HS6ST3: variants seen among roughly 807,000 people sequenced by gnomAD.
HS6ST3 encodes heparan-sulfate 6-O-sulfotransferase 3.
In HS6ST3, 12 loss-of-function variants were observed where a neutral mutation model predicts 36.7. The observed-to-expected ratio is 0.33, with a 90% CI of 0.21 to 0.53. The LOEUF is 0.53. Among genes scored for constraint, HS6ST3 ranks in the 20% least tolerant of loss-of-function variants. The pLI is 0.95. For synonymous variants in HS6ST3, 240 were observed against 257.5 expected (o/e 0.93, Z 0.65); for missense variants, 584 against 640.9 (o/e 0.91, Z 0.96).
Position 96,219,111 on chromosome 13 carries a change from A to G in HS6ST3, c.707+127542A>G, listed in dbSNP as rs554759834. Among the ~76,000 whole-genome samples the G allele has an allele frequency of 2.6e-5, 4 of 151,664 alleles. No homozygotes were observed. In the South Asian group the frequency reaches 8.3e-4, roughly 31 times the overall value. ...TCGGCCTAAATTAAGACCCTTGCATACAGGCATGTTTCCAGAGCCACACTA... is the reference window on the plus strand; with the variant it reads ...TCGGCCTAAATTAAGACCCTTGCATGCAGGCATGTTTCCAGAGCCACACTA... On this transcript the variant is annotated intron_variant, in intron 1 of 1. Coordinates refer to ENST00000376705, the MANE Select transcript of HS6ST3 (RefSeq NM_153456.4).
chr13:96,409,845 C>T (rs546029930), intron 1 of HS6ST3, among the ~76,000 whole-genome samples: 35 of 152,106 alleles, frequency 2.3e-4, no homozygotes, highest in African/African-American at 8.2e-4. Context: ...AGATCTGTTA[C>T]ACCATATAAA....
chr13:96,106,290 C>T (rs1010150779), intron 1 of HS6ST3, among the ~76,000 whole-genome samples: 4 of 152,264 alleles, frequency 2.6e-5, no homozygotes, highest in East Asian at 3.9e-4. Context: ...TGAGATGCCC[C>T]TTCTGAGTTT....
chr13:96,234,080 G>A (rs2054520702), intron 1 of HS6ST3, among the ~76,000 whole-genome samples: 2 of 151,010 alleles, frequency 1.3e-5, no homozygotes. Context: ...TTTCTTTTGG[G>A]TCTTTGTTTT....
chr13:96,237,951 AC>A (rs2054542321), intron 1 of HS6ST3, among the ~76,000 whole-genome samples: 1 of 151,778 alleles, frequency 6.6e-6, no homozygotes, highest in African/African-American at 2.4e-5. Flanking sequence ...AACTCCTCCT[AC>A]CCCTGTACCT....
At chr13:96,437,394 C>A (rs146145292) in intron 1 of HS6ST3, among the ~76,000 whole-genome samples, 1 of 152,272 alleles carries the variant, frequency 6.6e-6, no homozygotes, top group African/African-American at 2.4e-5. Context: ...TGTTTGTCTT[C>A]TTTGAGTCTT....
At chr13:96,766,354 G>T (rs2138504085) in intron 1 of HS6ST3, among the ~76,000 whole-genome samples, 1 of 152,308 alleles carries the variant, frequency 6.6e-6, no homozygotes, top group African/African-American at 2.4e-5. Flanking sequence ...AGCACTGATT[G>T]TGTGTGCTAA....
At chr13:96,152,436 C>T (rs1323703720) in intron 1 of HS6ST3, among the ~76,000 whole-genome samples, 2 of 151,136 alleles carry the variant, frequency 1.3e-5, no homozygotes, top group Non-Finnish European at 2.9e-5. Context: ...CTCCCGGGTT[C>T]TCGCCATTCT....
intron 1 of HS6ST3, among the ~76,000 whole-genome samples, chr13:96,715,890 G>A (rs1875682982): frequency 6.6e-6 from 1 of 152,008 alleles, no homozygotes; most frequent in African/African-American, 2.4e-5. Context: ...CTCTCCTGGA[G>A]ACACTTTACT....
At chr13:96,528,953 G>A (rs1476312746) in intron 1 of HS6ST3, among the ~76,000 whole-genome samples, 1 of 152,008 alleles carries the variant, frequency 6.6e-6, no homozygotes, top group African/African-American at 2.4e-5. Context: ...TCGGGAGTAA[G>A]TTAGTATAAT....
intron 1 of HS6ST3, among the ~76,000 whole-genome samples, chr13:96,590,514 T>C (rs1308520998): frequency 6.6e-6 from 1 of 152,156 alleles, no homozygotes; most frequent in Non-Finnish European, 1.5e-5. Context: ...TCAGATCTTT[T>C]GCCCATTTTT....
intron 1 of HS6ST3, among the ~76,000 whole-genome samples, chr13:96,589,897 T>A (rs533484121): frequency 9.5e-4 from 145 of 152,280 alleles, no homozygotes; most frequent in African/African-American, 3.4e-3. Flanking sequence ...ATCAATTATT[T>A]TAATTTTTAT....
At chr13:96,420,846 G>T (rs2055558930) in intron 1 of HS6ST3, among the ~76,000 whole-genome samples, 1 of 152,218 alleles carries the variant, frequency 6.6e-6, no homozygotes, top group African/African-American at 2.4e-5. Context: ...GTGAAATAAA[G>T]AAAGTGTGAA....
At chr13:96,337,310 C>T (rs556924357) in intron 1 of HS6ST3, among the ~76,000 whole-genome samples, 54 of 152,248 alleles carry the variant, frequency 3.5e-4, no homozygotes, top group Non-Finnish European at 6.6e-4. Flanking sequence ...CTCCTGACCT[C>T]GTGATCCGCC....
At chr13:96,181,455 T>A (rs2054239480) in intron 1 of HS6ST3, among the ~76,000 whole-genome samples, 1 of 152,224 alleles carries the variant, frequency 6.6e-6, no homozygotes, top group African/African-American at 2.4e-5. Context: ...TCTCTGAATA[T>A]TTTCCTGAGG....
intron 1 of HS6ST3, among the ~76,000 whole-genome samples, chr13:96,557,849 T>G (rs2138953053): frequency 6.6e-6 from 1 of 152,306 alleles, no homozygotes; most frequent in East Asian, 1.9e-4. Flanking sequence ...GACAGTTAAG[T>G]TTTCTCATTT....
At chr13:96,724,945 ATGGTCTTCCAAAGTGGC>A in intron 1 of HS6ST3, among the ~76,000 whole-genome samples, 1 of 152,314 alleles carries the variant, frequency 6.6e-6, no homozygotes, top group South Asian at 2.1e-4. Flanking sequence ...AAATTGCCAA[ATGGTCTTCCAAAGTGGC>A]TGTAACATTT....
At chr13:96,114,624 G>C (rs1013360819) in intron 1 of HS6ST3, among the ~76,000 whole-genome samples, 1 of 152,134 alleles carries the variant, frequency 6.6e-6, no homozygotes, top group Admixed American at 6.5e-5. Flanking sequence ...ACCTTATAGA[G>C]TTTTGAGGAT....
At chr13:96,289,435 A>G (rs1263083765) in intron 1 of HS6ST3, among the ~76,000 whole-genome samples, 1 of 152,214 alleles carries the variant, frequency 6.6e-6, no homozygotes. Flanking sequence ...ATCTCACTAT[A>G]TATGGAAACA....
At chr13:96,622,586 T>C (rs1411431869) in intron 1 of HS6ST3, among the ~76,000 whole-genome samples, 2 of 145,514 alleles carry the variant, frequency 1.4e-5, no homozygotes, top group African/African-American at 5.2e-5. Flanking sequence ...CAGGCAAGAT[T>C]TGATCAAACA....
Sources: allele counts gnomAD v4.1 joint callset (sites outside exome capture counted in the v4.1 genomes callset), GRCh38; gene constraint gnomAD v4.1.1; transcripts MANE v1.5; gene names NCBI Gene and HGNC (gene_info 2026-07-23, HGNC 2026-07-21).